The following GPC4 variants were observed in gnomAD, a reference collection of about 807,000 sequenced individuals.
The protein encoded by GPC4 is glypican 4, also known as glypican-4.
In GPC4, 10 loss-of-function variants were observed where a neutral mutation model predicts 35.0. That is an observed-to-expected ratio of 0.29 (90% CI 0.18 to 0.48). The LOEUF (loss-of-function observed/expected upper bound fraction) is 0.48. GPC4 is among the 20% of genes least tolerant of loss of function. The pLI is 0.99. For synonymous variants in GPC4, 167 were observed against 170.2 expected (o/e 0.98, Z 0.15); for missense variants, 322 against 451.3 (o/e 0.71, Z 2.60).
At chrX:133,365,600 C>T (rs763248670) in intron 1 of GPC4, among the ~76,000 whole-genome samples, 1 of 111,645 alleles carries the variant, frequency 9.0e-6, no homozygotes, top group East Asian at 2.8e-4. Flanking sequence ...AGCAGACCCT[C>T]CAACGAACAG....
chrX:133,400,505 A>G (rs1384040274), intron 1 of GPC4, among the ~76,000 whole-genome samples: 1 of 112,532 alleles, frequency 8.9e-6, no homozygotes, highest in South Asian at 3.7e-4. Context: ...TGTGAGCTCC[A>G]TAAGTGTGAG....
chrX:133,315,488 G>T (rs1423294733), intron 3 of GPC4, among the ~76,000 whole-genome samples: 1 of 110,802 alleles, frequency 9.0e-6, no homozygotes, highest in Non-Finnish European at 1.9e-5. Flanking sequence ...GACTAAGTCA[G>T]ACTTTGTTCT....
In GPC4 at chrX:133,393,992, C is replaced by G. The variant is rs201946472; in HGVS notation, c.160+20814G>C. Among the ~76,000 whole-genome samples the G allele has an allele frequency of 3.6e-5, 4 of 111,351 alleles. No individual in the cohort carries two copies. The East Asian group carries it at 1.1e-3, about 31-fold the overall frequency. On this transcript the variant is annotated intron_variant, in intron 1 of 8. Coordinates refer to ENST00000370828, the MANE Select transcript of GPC4 (RefSeq NM_001448.3). ...AAGCCATATAAAAACATATGCACAC[C>G]GGGCACAGAGGCTCACACCTGTAAT...
intron 1 of GPC4, among the ~76,000 whole-genome samples, chrX:133,361,362 T>G (rs2068566872): frequency 1.8e-5 from 2 of 112,142 alleles, no homozygotes; most frequent in Admixed American, 1.9e-4. Flanking sequence ...TTCATATTAC[T>G]AAAAATATCA....
chrX:133,403,616 G>A (rs2068775043), intron 1 of GPC4, among the ~76,000 whole-genome samples: 1 of 110,874 alleles, frequency 9.0e-6, no homozygotes, highest in Non-Finnish European at 1.9e-5. Flanking sequence ...TAACGTTCCT[G>A]AGCACCTACC....
chrX:133,344,172 TTTTC>T (rs1181663569), intron 1 of GPC4, among the ~76,000 whole-genome samples: 1 of 101,861 alleles, frequency 9.8e-6, no homozygotes, highest in African/African-American at 3.5e-5. Context: ...TCTTTCTTTA[TTTTC>T]TTTCTTTCTT....
intron 3 of GPC4, among the ~76,000 whole-genome samples, chrX:133,319,696 T>C (rs2068355799): frequency 9.0e-6 from 1 of 110,846 alleles, no homozygotes; most frequent in Non-Finnish European, 1.9e-5. Flanking sequence ...GGAACCCATA[T>C]ATATAAAAAA....
At chrX:133,366,524 T>G (rs1476654445) in intron 1 of GPC4, among the ~76,000 whole-genome samples, 2 of 111,381 alleles carry the variant, frequency 1.8e-5, no homozygotes, top group African/African-American at 6.5e-5. Context: ...CCAGTGCACT[T>G]AAGAAAAATT....
chrX:133,356,058 G>A (rs1046027983), intron 1 of GPC4, among the ~76,000 whole-genome samples: 13 of 111,304 alleles, frequency 1.2e-4, no homozygotes, highest in African/African-American at 2.9e-4. Flanking sequence ...CAAAAATGGC[G>A]TAACAGTCAG....
chrX:133,305,501 G>C lies in GPC4; in HGVS notation c.1155+271C>G, dbSNP rs1234589411. Among the ~76,000 whole-genome samples the C allele has an allele frequency of 6.2e-5, 7 of 112,057 alleles. 1 individual carries two copies. Among genetic ancestry groups the C allele is most frequent in the Non-Finnish European group, 3.8e-5 (2 of 53,270 alleles). On this transcript the variant is annotated intron_variant, in intron 6 of 8. Coordinates refer to ENST00000370828, the MANE Select transcript of GPC4 (RefSeq NM_001448.3). ...TGAGCTTCTCTATGCCTAGCACAGT[G>C]ATGGGCACATAGTAGATGTTCAATA... is the stretch of plus-strand genomic sequence containing the variant.
In GPC4 at chrX:133,314,998, G is replaced by A. The variant is rs1375595517; in HGVS notation, c.712-3575C>T. 3.6e-5 allele frequency among the ~76,000 whole-genome samples: 4 copies of A among 110,589 alleles called. 1 individual carries two copies. Among genetic ancestry groups the A allele is most frequent in the Non-Finnish European group, 7.6e-5 (4 of 52,935 alleles). ...AAACAAAATGGTTGCCTCTCTTTTG[G>A]AGTCTTTAAGAGCCAAAAGTATGCC... On this transcript the variant is annotated intron_variant, in intron 3 of 8. Transcript: ENST00000370828.
intron 1 of GPC4, among the ~76,000 whole-genome samples, chrX:133,346,851 G>GT (rs199720814): frequency 0.015 from 1,676 of 111,489 alleles, 43 homozygotes; most frequent in African/African-American, 0.052. Flanking sequence ...GAGATAGAAT[G>GT]TAGATTCTTG....
At chrX:133,409,852 G>T (rs1470715447) in intron 1 of GPC4, among the ~76,000 whole-genome samples, 1 of 111,342 alleles carries the variant, frequency 9.0e-6, no homozygotes, top group Non-Finnish European at 1.9e-5. Context: ...AGGAGGGGGG[G>T]ACAGACAAGA....
At chrX:133,396,204 C>A (rs1259440538) in intron 1 of GPC4, among the ~76,000 whole-genome samples, 1 of 111,786 alleles carries the variant, frequency 8.9e-6, no homozygotes, top group Non-Finnish European at 1.9e-5. Context: ...ATACTTTCAA[C>A]AACAGCATAC....
chrX:133,334,479 G>A (rs2068433902), intron 2 of GPC4, among the ~76,000 whole-genome samples: 1 of 111,980 alleles, frequency 8.9e-6, no homozygotes, highest in Non-Finnish European at 1.9e-5. Context: ...GTAGCTGAGA[G>A]TTAAAAAATG....
intron 1 of GPC4, among the ~76,000 whole-genome samples, chrX:133,355,143 T>C (rs761699235): frequency 8.9e-6 from 1 of 112,165 alleles, no homozygotes; most frequent in South Asian, 3.7e-4. Flanking sequence ...AGTGTTTCTA[T>C]TAATATTTTT....
chrX:133,338,954 T>G (rs1348356399), intron 2 of GPC4, among the ~76,000 whole-genome samples: 1 of 111,418 alleles, frequency 9.0e-6, no homozygotes, highest in Non-Finnish European at 1.9e-5. Context: ...TAAGTTAAAC[T>G]AATCTATTTT....
chrX:133,375,723 T>C (rs1303847517), intron 1 of GPC4, among the ~76,000 whole-genome samples: 1 of 112,018 alleles, frequency 8.9e-6, no homozygotes, highest in Non-Finnish European at 1.9e-5. Context: ...TTTCTTTTTT[T>C]AAGAATGACA....
chrX:133,349,477 G>A (rs895414501), intron 1 of GPC4, among the ~76,000 whole-genome samples: 1 of 112,579 alleles, frequency 8.9e-6, no homozygotes, highest in East Asian at 2.8e-4. Context: ...ATGGTTAACA[G>A]CTGAATTTGC....
Sources: allele counts gnomAD v4.1 joint callset (sites outside exome capture counted in the v4.1 genomes callset), GRCh38; gene constraint gnomAD v4.1.1; transcripts MANE v1.5; gene names NCBI Gene and HGNC (gene_info 2026-07-23, HGNC 2026-07-21).